The following FOCAD variants were observed in gnomAD, a reference collection of about 807,000 sequenced individuals.
The protein encoded by FOCAD is KIAA1797.
Under a neutral mutation model 225.6 loss-of-function variants are expected in FOCAD, and 198 were observed. That is an observed-to-expected ratio of 0.88 (90% CI 0.78 to 0.99). The LOEUF (loss-of-function observed/expected upper bound fraction) is 0.99. FOCAD is among the 50% of genes least tolerant of loss of function. The pLI is 0.00. For missense variants in FOCAD, 2,713 were observed against 2,123.6 expected (o/e 1.28, Z -5.46); for synonymous variants, 897 against 755.0 (o/e 1.19, Z -3.08).
intron 1 of FOCAD, among the ~76,000 whole-genome samples, chr9:20,705,924 GTTT>G (rs59407171): frequency 1.9e-5 from 2 of 106,914 alleles, no homozygotes; most frequent in Non-Finnish European, 3.7e-5. Flanking sequence ...TCAGTTTTAA[GTTT>G]TTTTTTTTTT....
At chr9:20,693,544 C>G (rs1161451767) in intron 1 of FOCAD, among the ~76,000 whole-genome samples, 3 of 152,240 alleles carry the variant, frequency 2.0e-5, no homozygotes, top group Middle Eastern at 3.4e-3. Flanking sequence ...AGTATAGTGT[C>G]TGATACAAGG....
chr9:20,674,114 A>T (rs527591871), intron 2 of FOCAD, among the ~76,000 whole-genome samples: 1 of 152,188 alleles, frequency 6.6e-6, no homozygotes, highest in South Asian at 2.1e-4. Flanking sequence ...AACTTTGCAA[A>T]CTACTTGTTA....
intron 15 of FOCAD, among the ~76,000 whole-genome samples, chr9:20,829,050 G>A (rs1264536674): frequency 3.3e-5 from 5 of 152,064 alleles, no homozygotes; most frequent in African/African-American, 1.2e-4. Context: ...ATGGGCATTT[G>A]GGATTGATTC....
rs202112470 is a variant in FOCAD, at chr9:20,910,879, A to G, written c.2719-1987A>G. Among the ~76,000 whole-genome samples, 10 of 152,166 alleles carry G rather than the reference A, an allele frequency of 6.6e-5. No individual in the cohort carries two copies. The East Asian group carries it at 1.2e-3, about 18-fold the overall frequency. ...AGAACAGAGACTCAGAGAAAGAAAA[A>G]ACATGAAAACTACTTAGTCACAATA... On this transcript the variant is annotated intron_variant, in intron 22 of 43. Coordinates refer to ENST00000338382, the MANE Select transcript of FOCAD (RefSeq NM_001375567.1).
intron 15 of FOCAD, among the ~76,000 whole-genome samples, chr9:20,827,797 G>A (rs1383951238): frequency 6.6e-6 from 1 of 152,086 alleles, no homozygotes; most frequent in Non-Finnish European, 1.5e-5. Context: ...TGGAAGGTAT[G>A]TATGAACAGG....
At position 20,764,899 on chromosome 9, in the gene FOCAD, AC is replaced by A. The variant is rs772442509; in HGVS notation, c.527del (p.Pro176HisfsTer21). ...AAGTTTCATGCATTCAAATAATGGC[AC>A]CATTTCTGTGGTATCTGTATTGTGA... The part of the protein sequence containing the change: ...LEVSCIQIMA[P>X]FLWYLYCEPS... On this transcript the variant is annotated frameshift_variant, in exon 7 of 44. Transcript: ENST00000338382. LOFTEE classifies it high-confidence loss of function. 6.2e-7 allele frequency: 1 copy of A among 1,614,050 alleles called. No individual in the cohort carries two copies. The highest frequency in any genetic ancestry group is 8.5e-7 in the Non-Finnish European group (1 of 1,179,996).
chr9:20,820,198 G>A (rs1824168158), intron 12 of FOCAD, 126 bp from the exon 13 acceptor site: 3 of 650,420 alleles, frequency 4.6e-6, no homozygotes, highest in African/African-American at 1.9e-5. Context: ...AAGAAGGTGG[G>A]TAATATTGCA....
intron 33 of FOCAD, among the ~76,000 whole-genome samples, chr9:20,949,986 CAAAGGGCATGGCAGATCTTGGTAG>C (rs1365444811): frequency 6.6e-6 from 1 of 152,004 alleles, no homozygotes; most frequent in South Asian, 2.1e-4. Context: ...AGAAGGTGAT[CAAAGGGCATGGCAGATCTTGGTAG>C]AAAGGTCAAG....
At chr9:20,917,502 A>T (rs1164134787) in intron 24 of FOCAD, among the ~76,000 whole-genome samples, 1 of 152,190 alleles carries the variant, frequency 6.6e-6, no homozygotes, top group African/African-American at 2.4e-5. Context: ...ACTAAAAAAT[A>T]CCCGAAACTT....
chr9:20,767,454 G>A (rs1357200728), intron 7 of FOCAD, among the ~76,000 whole-genome samples: 2 of 148,760 alleles, frequency 1.3e-5, no homozygotes, highest in African/African-American at 4.9e-5. Context: ...GTGTAAAAGT[G>A]TTCCTATTTC....
At chr9:20,754,982 G>C (rs975423328) in intron 5 of FOCAD, among the ~76,000 whole-genome samples, 31 of 152,134 alleles carry the variant, frequency 2.0e-4, no homozygotes, top group African/African-American at 7.2e-4. Flanking sequence ...GAATTTAGCT[G>C]TTTGCTTCAT....
chr9:20,900,498 A>G (rs944788522), intron 21 of FOCAD, among the ~76,000 whole-genome samples: 9 of 151,886 alleles, frequency 5.9e-5, no homozygotes, highest in Non-Finnish European at 8.8e-5. Context: ...AAAAGTACAT[A>G]TGCTGTAACC....
At chr9:20,922,273 A>G (rs1834508143) in intron 24 of FOCAD, among the ~76,000 whole-genome samples, 1 of 151,254 alleles carries the variant, frequency 6.6e-6, no homozygotes, top group Non-Finnish European at 1.5e-5. Context: ...TTCTCCTCCA[A>G]CCCTCCCCAT....
At chr9:20,873,722 C>G (rs1447536959) in intron 18 of FOCAD, 1 of 152,004 alleles carries the variant, frequency 6.6e-6, no homozygotes, top group Non-Finnish European at 1.5e-5. Flanking sequence ...TCTTCTACCC[C>G]CCTGCAAGAA....
intron 5 of FOCAD, among the ~76,000 whole-genome samples, chr9:20,740,679 AG>A (rs535656806): frequency 1.3e-5 from 2 of 152,124 alleles, no homozygotes; most frequent in Admixed American, 6.6e-5. Context: ...TATTTAAAGC[AG>A]GGGGGGATTT....
In FOCAD at chr9:20,916,946, C is replaced by T; in HGVS notation, c.2852+9C>T. 3 of 1,595,766 alleles carry T rather than the reference C, an allele frequency of 1.9e-6. No individual in the cohort carries two copies. Among genetic ancestry groups the T allele is most frequent in the Non-Finnish European group, 2.6e-6 (3 of 1,172,334 alleles). Reference sequence around the variant, plus strand: ...ACCAAGGCAGCTGCAAAGTAAGATCCATTTAGTCTTTTATCAAACATTTTT... The same window carrying T: ...ACCAAGGCAGCTGCAAAGTAAGATCTATTTAGTCTTTTATCAAACATTTTT... On this transcript the variant is annotated intron_variant, in intron 24 of 43. Coordinates refer to ENST00000338382, the MANE Select transcript of FOCAD (RefSeq NM_001375567.1).
Position 20,866,917 on chromosome 9 carries a change from T to TTTTAACA in FOCAD, c.2107-12_2107-11insTTTAACA. ...TTTTTTTTTTTTTTTTTTTTTTTTTTACCCTATCTAGGACCCAATTGTAGC... is the reference window on the plus strand; with the variant it reads ...TTTTTTTTTTTTTTTTTTTTTTTTTTTTTAACAACCCTATCTAGGACCCAATTGTAGC... On this transcript the variant is annotated splice_polypyrimidine_tract_variant and intron_variant, in intron 17 of 43. Transcript: ENST00000338382. 2.6e-6 allele frequency: 2 copies of TTTTAACA among 764,972 alleles called. No homozygotes were observed. The highest frequency in any genetic ancestry group is 4.0e-6 in the Non-Finnish European group (2 of 498,468). 47.4% of individuals were successfully genotyped at this position (764,972 alleles called of 1,614,324 possible).
At chr9:20,912,819 C>A in intron 22 of FOCAD, 47 bp from the exon 23 acceptor site, 2 of 1,483,920 alleles carry the variant, frequency 1.3e-6, no homozygotes, top group Non-Finnish European at 1.9e-6. Context: ...TTTAAGATCA[C>A]TTCAGCCATC....
chr9:20,987,067 A>AATGGCACCAGG (rs1841241172), intron 40 of FOCAD, among the ~76,000 whole-genome samples: 2 of 152,194 alleles, frequency 1.3e-5, no homozygotes, highest in Non-Finnish European at 2.9e-5. Flanking sequence ...ATTTCTGGAG[A>AATGGCACCAGG]CTACATTCAA....
Sources: gnomAD v4.1 joint callset for allele counts (sites outside exome capture counted in the v4.1 genomes callset) on GRCh38, gnomAD v4.1.1 for gene constraint, MANE v1.5 for transcripts, NCBI Gene and HGNC (gene_info 2026-07-23, HGNC 2026-07-21) for gene names.